Variants in CAAP1 observed in about 807,000 individuals in gnomAD.
CAAP1 encodes the protein caspase activity and apoptosis inhibitor 1, also known as conserved anti-apoptotic protein.
In CAAP1, 20 loss-of-function variants were observed where a neutral mutation model predicts 34.0. That is an observed-to-expected ratio of 0.59 (90% confidence interval 0.41 to 0.86). The LOEUF (loss-of-function observed/expected upper bound fraction) is 0.86. Ranked by LOEUF, CAAP1 falls within the 40% of genes least tolerant of loss-of-function variation. The pLI, the probability that CAAP1 is intolerant of heterozygous loss-of-function variation, is 0.00. For synonymous variants in CAAP1, 213 were observed against 166.7 expected, an observed-to-expected ratio of 1.28 and a Z score of -2.14; for missense variants, 538 against 450.5, an observed-to-expected ratio of 1.19 and a Z score of -1.76.
intron 5 of CAAP1, among the ~76,000 whole-genome samples, chr9:26,843,215 G>A (rs1160733329): frequency 6.6e-6 from 1 of 152,142 alleles, no homozygotes; most frequent in Non-Finnish European, 1.5e-5. Flanking sequence ...ATTTTCTAAG[G>A]TAAAATTTGT....
rs150340672 is a variant in CAAP1 at position 26,843,924 on chromosome 9, T to C, written c.740-1277A>G. 5.8e-3 allele frequency among the ~76,000 whole-genome samples: 886 copies of C among 152,326 alleles called. 8 individuals carry two copies. Among genetic ancestry groups the C allele is most frequent in the Admixed American group, 7.0e-3 (107 of 15,298 alleles). ...TTGTAAAAATAAGATTATCATTTTA[T>C]TTGATGGCAAAGAACATTTTATATA... On this transcript the variant is annotated intron_variant, in intron 5 of 5. Coordinates refer to ENST00000333916, the MANE Select transcript of CAAP1 (RefSeq NM_024828.4).
chr9:26,882,399 C>A (rs1239142101), intron 4 of CAAP1, among the ~76,000 whole-genome samples: 1 of 152,162 alleles, frequency 6.6e-6, no homozygotes, highest in Admixed American at 6.5e-5. Context: ...GGCACAAGAC[C>A]CAAGCCTTGG....
In CAAP1 at chr9:26,870,028, A is replaced by C; in HGVS notation, c.666-8889T>G. 3.0e-6 allele frequency: 2 copies of C among 670,780 alleles called. 1 individual carries two copies. Among genetic ancestry groups the C allele is most frequent in the South Asian group, 1.4e-4 (2 of 14,814 alleles). 41.6% of individuals were successfully genotyped at this position (670,780 alleles called of 1,614,324 possible). ...AGTTTAAAAGTTAGGTTTCTGTAAT[A>C]GAAAGAATAACTTTTTTTTTTTTTT... On this transcript the variant is annotated intron_variant, in intron 4 of 5. Coordinates refer to ENST00000333916, the MANE Select transcript of CAAP1 (RefSeq NM_024828.4).
At chr9:26,856,424 A>G (rs1822871765) in intron 5 of CAAP1, among the ~76,000 whole-genome samples, 1 of 152,220 alleles carries the variant, frequency 6.6e-6, no homozygotes, top group South Asian at 2.1e-4. Context: ...AGCAAAAAAG[A>G]GTGTATATTT....
At chr9:26,847,187 T>C (rs1475045556) in intron 5 of CAAP1, among the ~76,000 whole-genome samples, 15 of 132,396 alleles carry the variant, frequency 1.1e-4, no homozygotes, top group Non-Finnish European at 6.5e-5. Context: ...TACTAGTAAG[T>C]AAAAAGCAAT....
intron 1 of CAAP1, 198 bp downstream of exon 1, chr9:26,892,215 T>C: frequency 7.1e-7 from 1 of 1,402,800 alleles, no homozygotes; most frequent in South Asian, 1.5e-5. Flanking sequence ...ATCCAGAAAC[T>C]TGAAGTTCAA....
chr9:26,890,378 G>GA (rs74178366), intron 1 of CAAP1, among the ~76,000 whole-genome samples: 31,280 of 136,184 alleles, frequency 0.23, 3,963 homozygotes, highest in Non-Finnish European at 0.3. Context: ...CTCAAAAAAA[G>GA]AAAAAAAAAA....
chr9:26,862,769 G>C (rs1823032623), intron 4 of CAAP1, among the ~76,000 whole-genome samples: 2 of 152,046 alleles, frequency 1.3e-5, no homozygotes, highest in East Asian at 1.9e-4. Flanking sequence ...ATACTGATGG[G>C]GAACTGGATA....
rs1183494843 is a variant in CAAP1 at position 26,842,070 on chromosome 9, C to G, written c.*231G>C. 5 of 382,094 alleles carry G rather than the reference C, an allele frequency of 1.3e-5. No homozygotes were observed. Among genetic ancestry groups the G allele is most frequent in the Non-Finnish European group, 2.3e-5 (5 of 215,124 alleles). 23.7% of individuals were successfully genotyped at this position (382,094 alleles called of 1,614,324 possible). ...CTAAATACTCATCTAACAAAGTATC[C>G]AGGCTATCCAACTATATTGCCATGA... is the stretch of plus-strand genomic sequence containing the variant. On this transcript the variant is annotated 3_prime_UTR_variant, in exon 6 of 6. Transcript: ENST00000333916.
intron 5 of CAAP1, 128 bp from the exon 6 acceptor site, chr9:26,842,775 T>C: frequency 1.5e-6 from 1 of 664,536 alleles, no homozygotes; most frequent in East Asian, 2.8e-5. Context: ...CATTCCATAA[T>C]CCCCATGCCA....
At chr9:26,889,995 A>T (rs1460074174) in intron 1 of CAAP1, among the ~76,000 whole-genome samples, 2 of 152,070 alleles carry the variant, frequency 1.3e-5, no homozygotes, top group East Asian at 3.9e-4. Flanking sequence ...CTAATTTTTC[A>T]TTAGAAGATG....
At chr9:26,874,550 T>C (rs1375498907) in intron 4 of CAAP1, among the ~76,000 whole-genome samples, 1 of 152,184 alleles carries the variant, frequency 6.6e-6, no homozygotes, top group Admixed American at 6.5e-5. Flanking sequence ...CCCCAACCTC[T>C]GGTAACCACC....
At chr9:26,860,892 TATA>T (rs1392446087) in intron 5 of CAAP1, among the ~76,000 whole-genome samples, 171 bp downstream of exon 5, 10 of 152,212 alleles carry the variant, frequency 6.6e-5, no homozygotes, top group South Asian at 2.1e-4. Context: ...CATCATAAAA[TATA>T]ATCATTTCAG....
chr9:26,866,038 G>C (rs904845518), intron 4 of CAAP1, among the ~76,000 whole-genome samples: 1 of 152,048 alleles, frequency 6.6e-6, no homozygotes, highest in African/African-American at 2.4e-5. Flanking sequence ...GTAGAGACGG[G>C]GTTTCACCAT....
chr9:26,843,811 T>C (rs1822536320), intron 5 of CAAP1, among the ~76,000 whole-genome samples: 1 of 152,182 alleles, frequency 6.6e-6, no homozygotes, highest in Non-Finnish European at 1.5e-5. Flanking sequence ...GTGATCCTCC[T>C]ACATGCTTAT....
At chr9:26,889,903 A>T (rs1232496669) in intron 1 of CAAP1, among the ~76,000 whole-genome samples, 1 of 150,938 alleles carries the variant, frequency 6.6e-6, no homozygotes, top group Non-Finnish European at 1.5e-5. Flanking sequence ...ACCTCAATAC[A>T]CAACAGATAT....
rs1382944041 is a variant in CAAP1 at position 26,858,971 on chromosome 9, T to C, written c.739+2095A>G. Among the ~76,000 whole-genome samples, 5 of 130,558 alleles carry C rather than the reference T, an allele frequency of 3.8e-5. No homozygotes were observed. In the East Asian group the frequency reaches 1.3e-3, roughly 33 times the overall value. The allele number at this position is 130,558 out of a possible 152,430, so 85.7% of individuals were successfully genotyped here. The stretch of plus-strand genomic sequence containing the variant: ...CGATATTGCGCCATGCACTCCAGCC[T>C]GGGCAATAGAGCGAGAGACTGTCTC... On this transcript the variant is annotated intron_variant, in intron 5 of 5. Coordinates refer to ENST00000333916, the MANE Select transcript of CAAP1 (RefSeq NM_024828.4).
At chr9:26,859,702 T>C (rs1822962742) in intron 5 of CAAP1, among the ~76,000 whole-genome samples, 1 of 152,202 alleles carries the variant, frequency 6.6e-6, no homozygotes, top group Non-Finnish European at 1.5e-5. Flanking sequence ...CAAATAAATG[T>C]CAATTAAACT....
chr9:26,854,609 A>T (rs979983884), intron 5 of CAAP1, among the ~76,000 whole-genome samples: 23 of 152,192 alleles, frequency 1.5e-4, no homozygotes, highest in African/African-American at 5.3e-4. Flanking sequence ...TAGTAAGAGA[A>T]CAAAAAGACA....
Sources: allele counts gnomAD v4.1 joint callset (sites outside exome capture counted in the v4.1 genomes callset), GRCh38; gene constraint gnomAD v4.1.1; transcripts MANE v1.5; gene names NCBI Gene and HGNC (gene_info 2026-07-23, HGNC 2026-07-21).